RNF152: variants seen among roughly 807,000 people sequenced by gnomAD.
RNF152 encodes the protein E3 ubiquitin-protein ligase RNF152.
RNF152 carries 11 observed loss-of-function variants against 12.7 expected under a neutral mutation model. The observed-to-expected ratio is 0.86, with a 90% CI of 0.54 to 1.43. The LOEUF (loss-of-function observed/expected upper bound fraction) is 1.43. RNF152 is among the 40% of genes most tolerant of loss of function. The pLI, the probability that RNF152 is intolerant of heterozygous loss-of-function variation, is 0.00. For missense variants in RNF152, 255 were observed against 274.8 expected (o/e 0.93, Z 0.51); for synonymous variants, 113 against 120.3 (o/e 0.94, Z 0.40).
At chr18:61,856,348 A>G (rs1438982903) in intron 1 of RNF152, among the ~76,000 whole-genome samples, 1 of 152,180 alleles carries the variant, frequency 6.6e-6, no homozygotes, top group Non-Finnish European at 1.5e-5. Flanking sequence ...GGGGGTCCCA[A>G]GAGTTAATTT....
At chr18:61,866,699 A>G (rs1300053053) in intron 1 of RNF152, among the ~76,000 whole-genome samples, 1 of 152,148 alleles carries the variant, frequency 6.6e-6, no homozygotes. Context: ...TGACATGTTC[A>G]TCCCTTCATC....
chr18:61,863,932 G>C (rs1393758430), intron 1 of RNF152, among the ~76,000 whole-genome samples: 2 of 152,168 alleles, frequency 1.3e-5, no homozygotes, highest in Non-Finnish European at 2.9e-5. Flanking sequence ...GCTCTAATCG[G>C]CTGCCTTTTC....
intron 1 of RNF152, among the ~76,000 whole-genome samples, chr18:61,872,761 A>C (rs1912047523): frequency 6.6e-6 from 1 of 152,186 alleles, no homozygotes; most frequent in Non-Finnish European, 1.5e-5. Context: ...TATAATTTCC[A>C]GATGAATTTC....
At chr18:61,870,266 G>A (rs975024868) in intron 1 of RNF152, among the ~76,000 whole-genome samples, 1 of 152,078 alleles carries the variant, frequency 6.6e-6, no homozygotes, top group African/African-American at 2.4e-5. Context: ...CGTGGCCTCC[G>A]CACTCCAAAG....
At position 61,849,859 on chromosome 18, in the gene RNF152, G is replaced by A. The variant is rs59499904; in HGVS notation, c.-135-33261C>T. Among the ~76,000 whole-genome samples, 306 of 152,252 alleles carry A rather than the reference G, an allele frequency of 2.0e-3. 2 individuals are homozygous for A. The highest frequency in any genetic ancestry group is 7.0e-3 in the African/African-American group (291 of 41,550). On this transcript the variant is annotated intron_variant, in intron 1 of 1. Transcript: ENST00000312828. ...TGGGACTACAGGTTTGAGCCACCAT[G>A]CCCTGACATCATCAAATGAGTTTGA...
intron 1 of RNF152, among the ~76,000 whole-genome samples, chr18:61,861,902 A>G (rs551868153): frequency 4.5e-4 from 68 of 152,202 alleles, no homozygotes; most frequent in Non-Finnish European, 7.9e-4. Flanking sequence ...TGACCTAAAC[A>G]TCTCCTATTA....
At chr18:61,868,159 T>C (rs963393211) in intron 1 of RNF152, among the ~76,000 whole-genome samples, 4 of 152,206 alleles carry the variant, frequency 2.6e-5, no homozygotes, top group Non-Finnish European at 5.9e-5. Flanking sequence ...CAGAACAAGT[T>C]ACCCACTGTA....
Position 61,820,344 on chromosome 18 carries a change from A to C in RNF152, c.-135-3746T>G, listed in dbSNP as rs746148460. Among the ~76,000 whole-genome samples the C allele has an allele frequency of 4.6e-3, 695 of 150,900 alleles. 13 individuals are homozygous for C. Among genetic ancestry groups the C allele is most frequent in the Non-Finnish European group, 8.0e-3 (538 of 67,626 alleles). ...ACTCCGTCTCACCAAAAAAAAAAAA[A>C]AAAAAAAAAAAAAAAGAGTAGGATA... On this transcript the variant is annotated intron_variant, in intron 1 of 1. Transcript: ENST00000312828.
At chr18:61,829,776 T>C (rs1909851991) in intron 1 of RNF152, among the ~76,000 whole-genome samples, 1 of 151,974 alleles carries the variant, frequency 6.6e-6, no homozygotes, top group Non-Finnish European at 1.5e-5. Context: ...GAAGTTCTTA[T>C]GTTGTGAGAA....
intron 1 of RNF152, among the ~76,000 whole-genome samples, chr18:61,844,084 A>C (rs1599287462): frequency 1.5e-5 from 1 of 68,870 alleles, no homozygotes; most frequent in African/African-American, 4.8e-5. Flanking sequence ...AAAGGAAAGA[A>C]AGAAAGAAAG....
intron 1 of RNF152, among the ~76,000 whole-genome samples, chr18:61,875,900 T>C (rs774798163): frequency 4.6e-5 from 7 of 151,604 alleles, no homozygotes; most frequent in Non-Finnish European, 8.8e-5. Flanking sequence ...CCAATCCATA[T>C]TGATGACTGC....
At chr18:61,843,377 T>C (rs921044063) in intron 1 of RNF152, among the ~76,000 whole-genome samples, 10 of 152,220 alleles carry the variant, frequency 6.6e-5, no homozygotes, top group African/African-American at 2.4e-4. Flanking sequence ...TAACTGTTGT[T>C]TTAAAACAGT....
chr18:61,824,513 T>A (rs1909570619), intron 1 of RNF152, among the ~76,000 whole-genome samples: 1 of 152,242 alleles, frequency 6.6e-6, no homozygotes, highest in South Asian at 2.1e-4. Context: ...AGTGGGCATA[T>A]AAACTACTTA....
At chr18:61,817,325 C>A (rs1270208024) in intron 1 of RNF152, among the ~76,000 whole-genome samples, 1 of 152,218 alleles carries the variant, frequency 6.6e-6, no homozygotes, top group African/African-American at 2.4e-5. Flanking sequence ...ATTTTCCAGT[C>A]AGTTCTTTTT....
chr18:61,860,721 G>T (rs1911435273), intron 1 of RNF152, among the ~76,000 whole-genome samples: 1 of 152,184 alleles, frequency 6.6e-6, no homozygotes, highest in Non-Finnish European at 1.5e-5. Flanking sequence ...CCAGGCAAGT[G>T]GTTCAGGAGG....
At chr18:61,877,285 T>C (rs1281616357) in intron 1 of RNF152, among the ~76,000 whole-genome samples, 4 of 152,244 alleles carry the variant, frequency 2.6e-5, no homozygotes, top group Non-Finnish European at 4.4e-5. Context: ...GCACTGAATT[T>C]AGTCTGATAA....
intron 1 of RNF152, among the ~76,000 whole-genome samples, chr18:61,885,985 C>CTTTTTTTTTTTTTTT (rs558169838): frequency 1.2e-4 from 10 of 81,694 alleles, no homozygotes; most frequent in East Asian, 3.5e-4. Context: ...CTTTTGCTTT[C>CTTTTTTTTTTTTTTT]TTTTTTTTTT....
At chr18:61,849,757 T>C (rs1255845231) in intron 1 of RNF152, among the ~76,000 whole-genome samples, 1 of 152,158 alleles carries the variant, frequency 6.6e-6, no homozygotes, top group East Asian at 1.9e-4. Context: ...TTAAGAGAAG[T>C]GGTCTCACTA....
At chr18:61,854,099 A>G (rs1911108946) in intron 1 of RNF152, among the ~76,000 whole-genome samples, 1 of 151,768 alleles carries the variant, frequency 6.6e-6, no homozygotes, top group South Asian at 2.1e-4. Context: ...CTGCTTATTG[A>G]CTCCCCGTGA....
Sources: allele counts gnomAD v4.1 joint callset (sites outside exome capture counted in the v4.1 genomes callset), GRCh38; gene constraint gnomAD v4.1.1; transcripts MANE v1.5; gene names NCBI Gene and HGNC (gene_info 2026-07-23, HGNC 2026-07-21).